The following NCS1 variants were observed in gnomAD, a reference collection of about 807,000 sequenced individuals.
NCS1 encodes neuronal calcium sensor 1, also known as frequenin homolog.
NCS1 carries 6 observed loss-of-function variants against 28.4 expected under a neutral mutation model. The ratio of observed to expected loss-of-function variants is 0.21; its 90% CI spans 0.12 to 0.42. NCS1 has a LOEUF of 0.42. NCS1 is among the 10% of genes least tolerant of loss of function. The pLI is 1.00. For synonymous variants in NCS1, 86 were observed against 99.3 expected (o/e 0.87, Z 0.79); for missense variants, 131 against 241.4 (o/e 0.54, Z 3.03).
At chr9:130,224,397 A>AG (rs1833383167) in intron 6 of NCS1, among the ~76,000 whole-genome samples, 1 of 151,002 alleles carries the variant, frequency 6.6e-6, no homozygotes, top group African/African-American at 2.4e-5. Flanking sequence ...GTCTCAAAAA[A>AG]AAAAAAAAAA....
At chr9:130,187,419 G>A (rs548856966) in intron 1 of NCS1, among the ~76,000 whole-genome samples, 4 of 152,278 alleles carry the variant, frequency 2.6e-5, no homozygotes, top group Admixed American at 1.3e-4. Context: ...GGCCAGAGCC[G>A]GAGTCAGGGC....
In NCS1 at chr9:130,208,757, C is replaced by T. The variant is rs146582694; in HGVS notation, c.89+7775C>T. ...CAGCAACACACTGGGGGCTTTCCTG[C>T]GGGCAGGCACAGTGCTGATGAAACG... On this transcript the variant is annotated intron_variant, in intron 2 of 7. Transcript: ENST00000372398. 3.3e-5 allele frequency among the ~76,000 whole-genome samples: 5 copies of T among 152,260 alleles called. No homozygotes were observed. The East Asian group carries it at 9.7e-4, about 29-fold the overall frequency.
Position 130,175,496 on chromosome 9 carries a change from G to A in NCS1, c.64+2769G>A, listed in dbSNP as rs1156960220. 1.3e-5 allele frequency among the ~76,000 whole-genome samples: 2 copies of A among 152,202 alleles called. No individual in the cohort carries two copies. The highest frequency in any genetic ancestry group is 2.9e-5 in the Non-Finnish European group (2 of 68,028). On this transcript the variant is annotated intron_variant, in intron 1 of 7. Transcript: ENST00000372398. The surrounding 1 kb of genome is among the most constrained non-coding windows in gnomAD (Gnocchi z 4.9). ...TGCATCCTTGACACGTGTTTGTGCT[G>A]CAGATGGTGGTCCTGGGGAGCCCGG...
chr9:130,205,094 G>A (rs1833006658), intron 2 of NCS1, among the ~76,000 whole-genome samples: 1 of 152,102 alleles, frequency 6.6e-6, no homozygotes, highest in South Asian at 2.1e-4. Flanking sequence ...GCAAGGTGGG[G>A]GCCTCGTTAG....
intron 2 of NCS1, among the ~76,000 whole-genome samples, chr9:130,203,026 C>T (rs1355496051): frequency 6.7e-6 from 1 of 149,016 alleles, no homozygotes; most frequent in Non-Finnish European, 1.5e-5. Context: ...AGAAGCTGAG[C>T]TCTTGCCTCC....
intron 1 of NCS1, among the ~76,000 whole-genome samples, chr9:130,195,235 G>A (rs1832863144): frequency 6.6e-6 from 1 of 152,158 alleles, no homozygotes; most frequent in Admixed American, 6.5e-5. Context: ...AGTGCTTGCT[G>A]GGCTGGCCAA....
intron 2 of NCS1, among the ~76,000 whole-genome samples, chr9:130,213,932 G>T (rs1012087152): frequency 3.3e-5 from 5 of 152,218 alleles, no homozygotes; most frequent in African/African-American, 1.2e-4. Context: ...CTCAGCCAGG[G>T]TCTCTGGAGG....
At chr9:130,185,354 T>G (rs945132499) in intron 1 of NCS1, among the ~76,000 whole-genome samples, 5 of 152,278 alleles carry the variant, frequency 3.3e-5, no homozygotes, top group Non-Finnish European at 7.3e-5. Context: ...AGCAAGCCAA[T>G]GAATGAACGA....
intron 2 of NCS1, among the ~76,000 whole-genome samples, chr9:130,206,803 C>A (rs1375954448): frequency 6.6e-6 from 1 of 152,006 alleles, no homozygotes; most frequent in African/African-American, 2.4e-5. Flanking sequence ...ATTCCTGAGC[C>A]CCGGCTTTCA....
chr9:130,218,257 A>G (rs542336510), intron 3 of NCS1, among the ~76,000 whole-genome samples: 1 of 152,390 alleles, frequency 6.6e-6, no homozygotes, highest in South Asian at 2.1e-4. Context: ...ACAGACGTGT[A>G]TGTGCACATG....
chr9:130,213,327 G>C (rs1264335305), intron 2 of NCS1, among the ~76,000 whole-genome samples: 2 of 152,150 alleles, frequency 1.3e-5, no homozygotes, highest in Non-Finnish European at 2.9e-5. Context: ...CCCCAGGCTG[G>C]AGTGCAGTGG....
At chr9:130,211,776 G>A (rs1833116115) in intron 2 of NCS1, among the ~76,000 whole-genome samples, 1 of 152,168 alleles carries the variant, frequency 6.6e-6, no homozygotes, top group African/African-American at 2.4e-5. Flanking sequence ...GTGCAGGTTT[G>A]GAGGTGAACT....
At chr9:130,182,472 C>G (rs782206281) in intron 1 of NCS1, among the ~76,000 whole-genome samples, 3 of 152,230 alleles carry the variant, frequency 2.0e-5, no homozygotes, top group Non-Finnish European at 4.4e-5. Flanking sequence ...GGATCCTTCC[C>G]GCTGGTTCCA....
rs1833250952 is a variant in NCS1, at chr9:130,219,896, G to C, written c.307+93G>C. The C allele has an allele frequency of 7.6e-7, 1 of 1,309,156 alleles. No homozygotes were observed. Among genetic ancestry groups the C allele is most frequent in the Admixed American group, 1.8e-5 (1 of 56,962 alleles). The allele number at this position is 1,309,156 out of a possible 1,614,324, so 81.1% of individuals were successfully genotyped here. ...CGGCCCTCACCAGGCAGGGGTGCCAGACACCCACTGCAGTGACCACAGATG... is the reference window on the plus strand; with the variant it reads ...CGGCCCTCACCAGGCAGGGGTGCCACACACCCACTGCAGTGACCACAGATG... On this transcript the variant is annotated intron_variant, in intron 4 of 7. Coordinates refer to ENST00000372398, the MANE Select transcript of NCS1 (RefSeq NM_014286.4). The surrounding 1 kb of genome is among the most constrained non-coding windows in gnomAD (Gnocchi z 5.7).
rs377618746 is a variant in NCS1, at chr9:130,235,445, C to G, written c.*2473C>G. 6 of 152,550 alleles carry G rather than the reference C, an allele frequency of 3.9e-5. No individual in the cohort carries two copies. The highest frequency in any genetic ancestry group is 1.4e-4 in the African/African-American group (6 of 41,474). The allele number at this position is 152,550 out of a possible 1,614,324, so 9.4% of individuals were successfully genotyped here. On this transcript the variant is annotated 3_prime_UTR_variant, in exon 8 of 8. Transcript: ENST00000372398. The stretch of plus-strand genomic sequence containing the variant: ...GGACTGACACTGTTGTACAACCTGA[C>G]CTGTGGCTGAGGGTGTCTGGGCTTA...
intron 1 of NCS1, among the ~76,000 whole-genome samples, chr9:130,173,208 G>GA (rs1163378784): frequency 1.3e-5 from 2 of 151,854 alleles, no homozygotes; most frequent in African/African-American, 2.4e-5. Flanking sequence ...GTGGGGGGGG[G>GA]GGTGGCGAGA....
At chr9:130,229,639 C>G (rs1554911851) in intron 7 of NCS1, among the ~76,000 whole-genome samples, 1 of 152,144 alleles carries the variant, frequency 6.6e-6, no homozygotes, top group African/African-American at 2.4e-5. Flanking sequence ...TCACAGTCCT[C>G]TTTTGCAAAT....
intron 2 of NCS1, among the ~76,000 whole-genome samples, chr9:130,207,030 A>G (rs1041386136): frequency 2.6e-5 from 4 of 152,126 alleles, no homozygotes; most frequent in Non-Finnish European, 5.9e-5. Context: ...ACATGTTACT[A>G]GCCCTCTTGT....
rs1554905627 is a variant in NCS1, at chr9:130,186,310, G to T, written c.64+13583G>T. 1.3e-5 allele frequency among the ~76,000 whole-genome samples: 2 copies of T among 152,132 alleles called. No homozygotes were observed. The highest frequency in any genetic ancestry group is 4.8e-5 in the African/African-American group (2 of 41,418). ...AGACAGGGCTTTGCACAATGGACTG[G>T]GAATCTCCCTGGTCTGGGGTGCATC... On this transcript the variant is annotated intron_variant, in intron 1 of 7. Coordinates refer to ENST00000372398, the MANE Select transcript of NCS1 (RefSeq NM_014286.4). This position sits in a 1 kb window ranked among gnomAD's most constrained non-coding sequence, Gnocchi z 4.1.
Sources: allele counts gnomAD v4.1 joint callset (sites outside exome capture counted in the v4.1 genomes callset), GRCh38; gene constraint gnomAD v4.1.1; non-coding constraint Gnocchi (gnomAD v3.1); transcripts MANE v1.5; gene names NCBI Gene and HGNC (gene_info 2026-07-23, HGNC 2026-07-21).